NTN1: variants seen among roughly 807,000 people sequenced by gnomAD.
The protein encoded by NTN1 is netrin-1.
In NTN1, 11 loss-of-function variants were observed where a neutral mutation model predicts 54.2. The observed-to-expected ratio is 0.20, with a 90% CI of 0.13 to 0.34. The LOEUF (loss-of-function observed/expected upper bound fraction) is 0.34, where lower values mean the gene tolerates loss of function less well. Among genes scored for constraint, NTN1 ranks in the 10% least tolerant of loss-of-function variants. NTN1 has a pLI of 1.00. For missense variants in NTN1, 740 were observed against 893.1 expected, an observed-to-expected ratio of 0.83 and a Z score of 2.18; for synonymous variants, 371 against 382.0, an observed-to-expected ratio of 0.97 and a Z score of 0.33.
intron 6 of NTN1, among the ~76,000 whole-genome samples, chr17:9,222,987 C>A (rs1204451273): frequency 6.6e-6 from 1 of 152,192 alleles, no homozygotes; most frequent in Non-Finnish European, 1.5e-5. Flanking sequence ...CACAGGCCTT[C>A]TGGCCTTCTA....
At chr17:9,204,658 A>T (rs1291455644) in intron 5 of NTN1, among the ~76,000 whole-genome samples, 6 of 152,192 alleles carry the variant, frequency 3.9e-5, no homozygotes, top group Non-Finnish European at 8.8e-5. Flanking sequence ...AATGGCAGTG[A>T]ATCGGGGATA....
At chr17:9,136,803 C>A (rs2092282839) in intron 2 of NTN1, among the ~76,000 whole-genome samples, 1 of 152,170 alleles carries the variant, frequency 6.6e-6, no homozygotes, top group Non-Finnish European at 1.5e-5. Context: ...AGAGGTCAAG[C>A]CCTCACCTCT....
chr17:9,225,797 A>G (rs1022611379), intron 6 of NTN1, among the ~76,000 whole-genome samples: 3 of 152,174 alleles, frequency 2.0e-5, no homozygotes, highest in African/African-American at 7.2e-5. Flanking sequence ...CAGGGGGCCA[A>G]TTAGGAAACA....
intron 2 of NTN1, among the ~76,000 whole-genome samples, chr17:9,056,151 G>C (rs1421996312): frequency 6.6e-6 from 1 of 152,164 alleles, no homozygotes; most frequent in African/African-American, 2.4e-5. Flanking sequence ...CCGCCTCCCG[G>C]GTTCAAGCAA....
At chr17:9,094,570 G>T (rs2092123805) in intron 2 of NTN1, among the ~76,000 whole-genome samples, 1 of 152,088 alleles carries the variant, frequency 6.6e-6, no homozygotes. Context: ...TTGGCAAATT[G>T]CTTGTCAGAT....
chr17:9,069,788 CG>C (rs1296019428), intron 2 of NTN1, among the ~76,000 whole-genome samples: 2 of 152,118 alleles, frequency 1.3e-5, no homozygotes, highest in African/African-American at 4.8e-5. Context: ...AGGTTGACCC[CG>C]CATTAACAAC....
intron 2 of NTN1, among the ~76,000 whole-genome samples, chr17:9,093,602 C>T (rs545083180): frequency 6.6e-6 from 1 of 152,338 alleles, no homozygotes; most frequent in East Asian, 1.9e-4. Context: ...TCAAGTGGTC[C>T]TCCTGCCGCA....
intron 2 of NTN1, among the ~76,000 whole-genome samples, chr17:9,067,975 G>A (rs938231404): frequency 7.9e-5 from 12 of 152,168 alleles, no homozygotes; most frequent in Non-Finnish European, 1.8e-4. Context: ...AAACCCAGCC[G>A]AGGTGGGAGG....
chr17:9,204,785 G>A (rs796649189), intron 5 of NTN1, among the ~76,000 whole-genome samples: 1 of 152,198 alleles, frequency 6.6e-6, no homozygotes, highest in African/African-American at 2.4e-5. Flanking sequence ...GTTGAAGGAC[G>A]TCAATGAGGA....
the NTN1 span, among the ~76,000 whole-genome samples, chr17:9,005,904 C>T: frequency 6.6e-6 from 1 of 152,228 alleles, no homozygotes; most frequent in Admixed American, 6.5e-5. Flanking sequence ...CTGGACCTAA[C>T]ACTGCACACT....
At chr17:9,164,324 C>G (rs2092367653) in intron 3 of NTN1, among the ~76,000 whole-genome samples, 1 of 151,906 alleles carries the variant, frequency 6.6e-6, no homozygotes. Flanking sequence ...ACTTGGGAGG[C>G]TGAGGCAGGA....
At chr17:9,086,901 C>T (rs2092091762) in intron 2 of NTN1, among the ~76,000 whole-genome samples, 2 of 152,140 alleles carry the variant, frequency 1.3e-5, no homozygotes. Context: ...TCAGCTTCAC[C>T]ATCACCATCA....
rs147731292 is a variant in NTN1, at chr17:9,154,630, G to A, written c.1019-8183G>A. Among the ~76,000 whole-genome samples, 484 of 152,254 alleles carry A rather than the reference G, an allele frequency of 3.2e-3. 1 individual carries two copies. Among genetic ancestry groups the A allele is most frequent in the Non-Finnish European group, 5.2e-3 (356 of 68,014 alleles). ...GTTGCTCCACCCAGCCATTTCAGGA[G>A]ACGCTGAAAAGGGGGCTCAGAAAAA... On this transcript the variant is annotated intron_variant, in intron 2 of 6. Coordinates refer to ENST00000173229, the MANE Select transcript of NTN1 (RefSeq NM_004822.3).
intron 2 of NTN1, among the ~76,000 whole-genome samples, chr17:9,091,452 G>GC (rs1321936468): frequency 9.4e-6 from 1 of 106,580 alleles, no homozygotes; most frequent in Non-Finnish European, 1.9e-5. Context: ...TTAACCCCCC[G>GC]CCTTTTTTTT....
intron 2 of NTN1, among the ~76,000 whole-genome samples, chr17:9,086,007 G>A (rs1412775528): frequency 1.3e-5 from 2 of 152,198 alleles, no homozygotes; most frequent in Non-Finnish European, 2.9e-5. Flanking sequence ...CTTGCAGGAA[G>A]CCAGAGAGCC....
intron 5 of NTN1, among the ~76,000 whole-genome samples, chr17:9,206,091 C>A (rs1025212320): frequency 6.6e-6 from 1 of 152,110 alleles, no homozygotes; most frequent in Non-Finnish European, 1.5e-5. Context: ...GGGGTGACTT[C>A]GCGGTAGAAG....
At chr17:9,182,255 A>C (rs989045340) in intron 4 of NTN1, among the ~76,000 whole-genome samples, 5 of 152,224 alleles carry the variant, frequency 3.3e-5, no homozygotes, top group Admixed American at 6.5e-5. Flanking sequence ...ACGTGTTGGG[A>C]TGACAGATGT....
intron 2 of NTN1, among the ~76,000 whole-genome samples, chr17:9,123,397 C>T (rs1007907830): frequency 2.0e-5 from 3 of 152,178 alleles, no homozygotes; most frequent in Non-Finnish European, 4.4e-5. Context: ...AACTTTCCGT[C>T]CATCTTTTGT....
intron 2 of NTN1, among the ~76,000 whole-genome samples, chr17:9,074,952 C>T (rs1175862202): frequency 6.6e-6 from 1 of 152,178 alleles, no homozygotes; most frequent in East Asian, 1.9e-4. Flanking sequence ...CGGGTCTTAC[C>T]CAACGGGATG....
Sources: gnomAD v4.1 joint callset for allele counts (sites outside exome capture counted in the v4.1 genomes callset) on GRCh38, gnomAD v4.1.1 for gene constraint, MANE v1.5 for transcripts, NCBI Gene and HGNC (gene_info 2026-07-23, HGNC 2026-07-21) for gene names.